Variants in TP53BP2 observed in about 807,000 individuals in gnomAD.
TP53BP2 encodes tumor protein p53 binding protein 2.
TP53BP2 carries 62 observed loss-of-function variants against 126.2 expected under a neutral mutation model. The ratio of observed to expected loss-of-function variants is 0.49; its 90% confidence interval spans 0.40 to 0.61. TP53BP2 has a LOEUF of 0.61. Ranked by LOEUF, TP53BP2 falls within the 20% of genes least tolerant of loss-of-function variation. TP53BP2 has a pLI of 0.00. For synonymous variants in TP53BP2, 485 were observed against 502.9 expected (o/e 0.96, Z 0.48); for missense variants, 1,215 against 1,402.8 (o/e 0.87, Z 2.14).
rs953131455 is a variant in TP53BP2, at chr1:223,803,397, G to A, written c.705C>T (p.Val235=). 1.2e-6 allele frequency: 2 copies of A among 1,613,768 alleles called. No homozygotes were observed. The highest frequency in any genetic ancestry group is 1.7e-6 in the Non-Finnish European group (2 of 1,179,902). Residue 235 remains valine (V), a synonymous_variant, in exon 7 of 18, where the codon GTC becomes GTT. Coordinates refer to ENST00000343537, the MANE Select transcript of TP53BP2 (RefSeq NM_001031685.3). ...NLFQQKQREL[V]LAVSKVEELT... is the part of the protein sequence containing the mutation. ...GTTCTTCTACTTTTGACACAGCCAG[G>A]ACGAGCTCCCTCTGTTTTTGCTGGA...
intron 14 of TP53BP2, among the ~76,000 whole-genome samples, chr1:223,793,024 C>T (rs1662205085): frequency 6.6e-6 from 1 of 152,082 alleles, no homozygotes; most frequent in East Asian, 1.9e-4. Context: ...CTAGAGGACT[C>T]CAAGTGAAAA....
At chr1:223,809,480 T>A (rs1469530658) in intron 4 of TP53BP2, among the ~76,000 whole-genome samples, 1 of 151,742 alleles carries the variant, frequency 6.6e-6, no homozygotes, top group Non-Finnish European at 1.5e-5. Context: ...GGCAGGAGAA[T>A]CGCTTGAACC....
intron 11 of TP53BP2, among the ~76,000 whole-genome samples, chr1:223,799,494 C>T (rs1662455521): frequency 6.6e-6 from 1 of 152,146 alleles, no homozygotes; most frequent in Non-Finnish European, 1.5e-5. Context: ...GCAATCTAGA[C>T]AACTGTAATA....
chr1:223,842,010 C>T lies in TP53BP2; in HGVS notation c.27+3644G>A, dbSNP rs114438436. On this transcript the variant is annotated intron_variant, in intron 1 of 17. Transcript: ENST00000343537. ...CTCAAGGGTTCAAGATTCGCGATCT[C>T]GGCTCACTGCAACCTCCGCCTCTAG... 5.5e-3 allele frequency among the ~76,000 whole-genome samples: 829 copies of T among 151,416 alleles called. 3 individuals are homozygous for T. The highest frequency in any genetic ancestry group is 0.019 in the African/African-American group (791 of 41,258).
At chr1:223,785,769 A>G (rs889369386) in intron 16 of TP53BP2, among the ~76,000 whole-genome samples, 3 of 152,226 alleles carry the variant, frequency 2.0e-5, no homozygotes, top group African/African-American at 7.2e-5. Flanking sequence ...CTTTTTAAAA[A>G]ATTTTTTGAG....
rs755567123 is a variant in TP53BP2, at chr1:223,804,318, C to G, written c.505G>C (p.Asp169His). ...EQRLKFLKQQ[D>H]QRQQQQVAEQ... ...GCAACTTGTTGCTGTTGTCGCTGAT[C>G]TTGTTGTTTCAAAAACTTTAAGCGC... Residue 169 changes from aspartate to histidine, a missense_variant, in exon 6 of 18, where the codon GAT (aspartate) becomes CAT (histidine). Asp to His is a moderately conservative substitution (Grantham distance 81). Around this residue, in one of 4 missense-constraint regions of TP53BP2, gnomAD observed 814 missense variants for 853.0 expected, o/e 0.95. Transcript: ENST00000343537. The G allele has an allele frequency of 1.2e-6, 2 of 1,613,546 alleles. No individual in the cohort carries two copies. Among genetic ancestry groups the G allele is most frequent in the Admixed American group, 3.3e-5 (2 of 59,884 alleles).
chr1:223,821,853 T>A (rs1663322581), intron 1 of TP53BP2, among the ~76,000 whole-genome samples: 1 of 151,990 alleles, frequency 6.6e-6, no homozygotes, highest in Non-Finnish European at 1.5e-5. Flanking sequence ...ATAAACCTAA[T>A]CTTTATATAA....
At chr1:223,784,893 CA>C (rs1361298612) in intron 16 of TP53BP2, among the ~76,000 whole-genome samples, 3 of 152,124 alleles carry the variant, frequency 2.0e-5, no homozygotes, top group Non-Finnish European at 2.9e-5. Context: ...TTCATATAAT[CA>C]ACTCTAATAT....
intron 1 of TP53BP2, among the ~76,000 whole-genome samples, chr1:223,833,283 GTTTA>G (rs1195338448): frequency 3.3e-5 from 5 of 152,120 alleles, no homozygotes; most frequent in African/African-American, 1.2e-4. Context: ...TTACATCTGA[GTTTA>G]TTTAAAGCAA....
At position 223,798,560 on chromosome 1, in the gene TP53BP2, T is replaced by C. The variant is rs1257207255; in HGVS notation, c.1603A>G (p.Ser535Gly). 2 of 1,614,192 alleles carry C rather than the reference T, an allele frequency of 1.2e-6. No homozygotes were observed. Among genetic ancestry groups the C allele is most frequent in the African/African-American group, 2.7e-5 (2 of 75,054 alleles). Residue 535 changes from serine (S) to glycine (G), a missense_variant, in exon 12 of 18, where the codon AGT becomes GGT. Physicochemically the swap from Ser to Gly is moderately conservative, Grantham distance 56. This residue lies in a region of TP53BP2 where 814 missense variants were observed against 853.0 expected (regional missense o/e 0.95). Coordinates refer to ENST00000343537, the MANE Select transcript of TP53BP2 (RefSeq NM_001031685.3). ...QPPSDIKPDG[S>G]SQQLSTVVPS... ...ACAACTGTTGACAACTGCTGAGAACTTCCGTCTGGCTTAATGTCTGAAGGT... is the reference window on the plus strand; with the variant it reads ...ACAACTGTTGACAACTGCTGAGAACCTCCGTCTGGCTTAATGTCTGAAGGT...
Position 223,793,390 on chromosome 1 carries a change from T to C in TP53BP2, c.2775A>G (p.Gly925=). 6.2e-7 allele frequency: 1 copy of C among 1,610,272 alleles called. No individual in the cohort carries two copies. The highest frequency in any genetic ancestry group is 8.5e-7 in the Non-Finnish European group (1 of 1,178,436). ...RKTGSERIAH[G]MRVKFNPLAL... Reference sequence around the variant, plus strand: ...CAAGGGGGTTGAATTTCACCCTCATTCCATGAGCGATACGCTCTGAGCCAG... The same window carrying C: ...CAAGGGGGTTGAATTTCACCCTCATCCCATGAGCGATACGCTCTGAGCCAG... The change falls in exon 14 of 18, where the codon GGA becomes GGG. Residue 925 remains glycine, a synonymous_variant. Coordinates refer to ENST00000343537, the MANE Select transcript of TP53BP2 (RefSeq NM_001031685.3).
chr1:223,802,651 GAAGA>G (rs1375649842), intron 8 of TP53BP2, 76 bp downstream of exon 8: 5 of 1,494,664 alleles, frequency 3.3e-6, no homozygotes, highest in Admixed American at 1.9e-5. Context: ...TGATTCTGAA[GAAGA>G]TGCCTATGAG....
chr1:223,836,862 T>C (rs1335107563), intron 1 of TP53BP2, among the ~76,000 whole-genome samples: 1 of 152,058 alleles, frequency 6.6e-6, no homozygotes, highest in Non-Finnish European at 1.5e-5. Flanking sequence ...GGTCCGTGGC[T>C]ACTAAAAGCA....
chr1:223,787,022 A>G (rs1661992265), intron 16 of TP53BP2, among the ~76,000 whole-genome samples: 1 of 152,122 alleles, frequency 6.6e-6, no homozygotes, highest in Non-Finnish European at 1.5e-5. Flanking sequence ...CGGCCTCCCA[A>G]GTAGCTGGGA....
chr1:223,806,399 G>A (rs1662718243), intron 5 of TP53BP2, among the ~76,000 whole-genome samples: 1 of 152,162 alleles, frequency 6.6e-6, no homozygotes, highest in Non-Finnish European at 1.5e-5. Flanking sequence ...CACAAAGAGA[G>A]CACCAAACAG....
intron 9 of TP53BP2, among the ~76,000 whole-genome samples, chr1:223,801,330 T>C (rs1251470701): frequency 2.0e-5 from 3 of 152,182 alleles, no homozygotes; most frequent in Non-Finnish European, 4.4e-5. Flanking sequence ...CACAATAAAA[T>C]CCAGACTGCA....
Position 223,803,466 on chromosome 1 carries a change from A to AG in TP53BP2, c.650-15dup. 1 of 1,587,954 alleles carries AG rather than the reference A, an allele frequency of 6.3e-7. No homozygotes were observed. Among genetic ancestry groups the AG allele is most frequent in the Non-Finnish European group, 8.6e-7 (1 of 1,165,340 alleles). ...CAATTTCCTCCACTAGATGAGACAG[A>AG]GAACAGCAACAACAGTTGAAAAGAA... is the stretch of plus-strand genomic sequence containing the variant. On this transcript the variant is annotated splice_polypyrimidine_tract_variant and intron_variant, in intron 6 of 17. Transcript: ENST00000343537.
At chr1:223,800,308 C>T (rs368613447) in intron 10 of TP53BP2, among the ~76,000 whole-genome samples, 5 of 152,150 alleles carry the variant, frequency 3.3e-5, no homozygotes, top group East Asian at 3.8e-4. Context: ...ATTTATCAGG[C>T]GGGTGCAGTG....
At chr1:223,785,950 G>A (rs533644703) in intron 16 of TP53BP2, among the ~76,000 whole-genome samples, 5 of 152,134 alleles carry the variant, frequency 3.3e-5, no homozygotes, top group Non-Finnish European at 1.5e-5. Flanking sequence ...AACACCAGAA[G>A]ACAAGTACCA....
Sources: allele counts gnomAD v4.1 joint callset (sites outside exome capture counted in the v4.1 genomes callset), GRCh38; gene constraint gnomAD v4.1.1; regional missense constraint gnomAD v4.1.1; transcripts MANE v1.5; gene names NCBI Gene and HGNC (gene_info 2026-07-23, HGNC 2026-07-21).